Variants in NTM observed in about 807,000 individuals in gnomAD.
NTM encodes the protein IgLON family member 2.
A neutral mutation model predicts 42.1 loss-of-function variants in NTM; 13 were observed. The observed-to-expected ratio is 0.31, with a 90% CI of 0.20 to 0.49. The LOEUF is 0.49. Ranked by LOEUF, NTM falls within the 20% of genes least tolerant of loss-of-function variation. NTM has a pLI of 0.99. For synonymous variants in NTM, 187 were observed against 179.2 expected, an observed-to-expected ratio of 1.04 and a Z score of -0.35; for missense variants, 373 against 452.8, an observed-to-expected ratio of 0.82 and a Z score of 1.60.
intron 1 of NTM, among the ~76,000 whole-genome samples, chr11:131,404,992 C>T (rs932127508): frequency 2.0e-5 from 3 of 152,124 alleles, no homozygotes; most frequent in South Asian, 2.1e-4. Context: ...ACCACAATTC[C>T]GTATTCCCCT....
At chr11:131,934,808 G>T (rs1194061313) in intron 2 of NTM, among the ~76,000 whole-genome samples, 1 of 152,188 alleles carries the variant, frequency 6.6e-6, no homozygotes, top group East Asian at 1.9e-4. Context: ...CCCTGTGTGT[G>T]CAGCAGCATA....
chr11:131,789,252 T>C (rs942380059), intron 1 of NTM, among the ~76,000 whole-genome samples: 1 of 151,468 alleles, frequency 6.6e-6, no homozygotes, highest in Non-Finnish European at 1.5e-5. Context: ...AGTTATATAG[T>C]TATATAGAAA....
intron 1 of NTM, among the ~76,000 whole-genome samples, chr11:131,426,056 G>A (rs1370801836): frequency 5.9e-5 from 9 of 152,172 alleles, no homozygotes; most frequent in African/African-American, 2.2e-4. Flanking sequence ...CGCCTGCTGG[G>A]AGGTTGCCAG....
At chr11:131,747,959 C>T (rs1372916691) in intron 1 of NTM, among the ~76,000 whole-genome samples, 3 of 152,316 alleles carry the variant, frequency 2.0e-5, no homozygotes, top group Non-Finnish European at 2.9e-5. Flanking sequence ...CCACTGTACT[C>T]GCCGGGCACC....
chr11:131,543,523 A>G (rs2053548417), intron 1 of NTM, among the ~76,000 whole-genome samples: 1 of 152,172 alleles, frequency 6.6e-6, no homozygotes, highest in Non-Finnish European at 1.5e-5. Flanking sequence ...GATTAGGGAG[A>G]AAGTTGCTAC....
Position 131,976,279 on chromosome 11 carries a change from C to T in NTM, c.167+64631C>T, listed in dbSNP as rs188530373. On this transcript the variant is annotated intron_variant, in intron 2 of 8. Coordinates refer to ENST00000683400, the MANE Select transcript of NTM (RefSeq NM_001352005.2). ...AAGAGCACAAAGGGGAAGCTTATAC[C>T]CGAGCATGGGTGAGTACAGGAGATG... Among the ~76,000 whole-genome samples, 152 of 152,110 alleles carry T rather than the reference C, an allele frequency of 1.0e-3. 1 individual carries two copies. Among genetic ancestry groups the T allele is most frequent in the African/African-American group, 3.5e-3 (146 of 41,502 alleles).
At chr11:132,294,662 C>G (rs1167109879) in intron 4 of NTM, among the ~76,000 whole-genome samples, 1 of 152,084 alleles carries the variant, frequency 6.6e-6, no homozygotes, top group Non-Finnish European at 1.5e-5. Context: ...AGGCAAAGCC[C>G]TTAGTCCTGA....
intron 1 of NTM, among the ~76,000 whole-genome samples, chr11:131,436,248 CT>C (rs569632252): frequency 2.6e-5 from 4 of 152,054 alleles, no homozygotes; most frequent in African/African-American, 7.2e-5. Flanking sequence ...CTAAAATTCT[CT>C]TTTTTTTGTT....
intron 1 of NTM, among the ~76,000 whole-genome samples, chr11:131,453,759 A>C (rs1268655608): frequency 6.6e-6 from 1 of 152,168 alleles, no homozygotes; most frequent in Non-Finnish European, 1.5e-5. Context: ...TGCCATCTCT[A>C]ATGTTTGCTC....
chr11:132,323,018 G>C (rs1340147989), intron 7 of NTM, among the ~76,000 whole-genome samples: 2 of 130,146 alleles, frequency 1.5e-5, no homozygotes, highest in Non-Finnish European at 3.3e-5. Context: ...TCTCTGGGAC[G>C]CATTCAAAGC....
chr11:132,152,207 T>A (rs1295186366), intron 3 of NTM, among the ~76,000 whole-genome samples: 1 of 152,246 alleles, frequency 6.6e-6, no homozygotes, highest in Non-Finnish European at 1.5e-5. Context: ...TCTCCAGACA[T>A]GTCACCCAGA....
chr11:132,267,785 C>A (rs538147874), intron 4 of NTM, among the ~76,000 whole-genome samples: 4 of 150,558 alleles, frequency 2.7e-5, no homozygotes, highest in African/African-American at 7.3e-5. Flanking sequence ...GATGTTGCAG[C>A]GAGCCGAGAT....
Position 131,605,303 on chromosome 11 carries a change from C to G in NTM, c.82+234415C>G, listed in dbSNP as rs368308919. 3.9e-4 allele frequency among the ~76,000 whole-genome samples: 59 copies of G among 152,178 alleles called. 1 individual carries two copies. The highest frequency in any genetic ancestry group is 1.4e-3 in the African/African-American group (58 of 41,516). On this transcript the variant is annotated intron_variant, in intron 1 of 8. Transcript: ENST00000683400. ...TAAAATTATCCCTGAGTACTTTACTCTTTTTGATGTTGTTGTAAATGAAAT... is the reference window on the plus strand; with the variant it reads ...TAAAATTATCCCTGAGTACTTTACTGTTTTTGATGTTGTTGTAAATGAAAT...
intron 1 of NTM, among the ~76,000 whole-genome samples, chr11:131,546,041 T>A (rs1248899672): frequency 2.0e-5 from 3 of 152,154 alleles, no homozygotes; most frequent in Non-Finnish European, 4.4e-5. Flanking sequence ...AATTTGAATT[T>A]TTATACTGTG....
intron 4 of NTM, among the ~76,000 whole-genome samples, chr11:132,246,089 G>C (rs1253439000): frequency 2.0e-5 from 3 of 152,198 alleles, no homozygotes; most frequent in Non-Finnish European, 4.4e-5. Flanking sequence ...CTTGCCTTGG[G>C]CCCACAGCCT....
At chr11:131,654,252 A>C (rs919758487) in intron 1 of NTM, among the ~76,000 whole-genome samples, 7 of 152,200 alleles carry the variant, frequency 4.6e-5, no homozygotes, top group Non-Finnish European at 8.8e-5. Context: ...CCTTTCACCT[A>C]AGGCTTCCTT....
chr11:131,541,950 T>G (rs2053320293), intron 1 of NTM, among the ~76,000 whole-genome samples: 1 of 152,218 alleles, frequency 6.6e-6, no homozygotes, highest in Admixed American at 6.5e-5. Flanking sequence ...ATTTATCTTT[T>G]TGGTGTGTTC....
intron 1 of NTM, among the ~76,000 whole-genome samples, chr11:131,821,680 G>A (rs923161326): frequency 6.6e-6 from 1 of 152,190 alleles, no homozygotes; most frequent in African/African-American, 2.4e-5. Context: ...ACTTTAAAAT[G>A]CATGCTTTGC....
intron 1 of NTM, among the ~76,000 whole-genome samples, chr11:131,489,294 G>C (rs78068707): frequency 0.053 from 8,029 of 152,174 alleles, 527 homozygotes; most frequent in East Asian, 0.18. Flanking sequence ...CCCGTAGAAA[G>C]CTTGTGACTC....
Sources: allele counts gnomAD v4.1 joint callset (sites outside exome capture counted in the v4.1 genomes callset), GRCh38; gene constraint gnomAD v4.1.1; transcripts MANE v1.5; gene names NCBI Gene and HGNC (gene_info 2026-07-23, HGNC 2026-07-21).